PLPP3: variants seen among roughly 807,000 people sequenced by gnomAD.
PLPP3 encodes the protein PAP2 beta.
PLPP3 carries 6 observed loss-of-function variants against 29.6 expected under a neutral mutation model. The observed-to-expected ratio is 0.20, with a 90% CI of 0.11 to 0.40. The LOEUF is 0.40. Ranked by LOEUF, PLPP3 falls within the 10% of genes least tolerant of loss-of-function variation. The probability of loss-of-function intolerance (pLI) is 1.00; values close to 1 mark genes in which losing one functional copy is unlikely to be tolerated. For missense variants in PLPP3, 308 were observed against 407.7 expected (o/e 0.76, Z 2.11); for synonymous variants, 152 against 159.7 (o/e 0.95, Z 0.36).
intron 5 of PLPP3, among the ~76,000 whole-genome samples, chr1:56,510,462 A>G (rs987414531): frequency 4.6e-5 from 7 of 152,230 alleles, no homozygotes; most frequent in Admixed American, 3.9e-4. Context: ...CAGTTCACAC[A>G]CTGCTTTCTT....
intron 1 of PLPP3, among the ~76,000 whole-genome samples, chr1:56,562,710 C>A (rs1646138851): frequency 6.6e-6 from 1 of 152,192 alleles, no homozygotes; most frequent in African/African-American, 2.4e-5. Flanking sequence ...AGACTGGAGG[C>A]AAGAACAGCA....
In PLPP3 at chr1:56,495,804, C is replaced by T. The variant is rs1428785946; in HGVS notation, c.*747G>A. The T allele has an allele frequency of 6.6e-6, 1 of 152,666 alleles. No individual in the cohort carries two copies. The highest frequency in any genetic ancestry group is 2.4e-5 in the African/African-American group (1 of 41,464). The allele number at this position is 152,666 out of a possible 1,614,324, so 9.5% of individuals were successfully genotyped here. On this transcript the variant is annotated 3_prime_UTR_variant, in exon 6 of 6. Coordinates refer to ENST00000371250, the MANE Select transcript of PLPP3 (RefSeq NM_003713.5). ...CGGTGATTGACGTGCACAACATCAGCATCCTGCAATTGACATTTCAACATC... is the reference window on the plus strand; with the variant it reads ...CGGTGATTGACGTGCACAACATCAGTATCCTGCAATTGACATTTCAACATC...
intron 5 of PLPP3, among the ~76,000 whole-genome samples, chr1:56,500,934 G>A (rs1199132907): frequency 6.6e-6 from 1 of 150,542 alleles, no homozygotes. Flanking sequence ...GACCTGGGAG[G>A]CGGAGGTTTC....
At chr1:56,565,038 A>G (rs1445610019) in intron 1 of PLPP3, among the ~76,000 whole-genome samples, 1 of 152,246 alleles carries the variant, frequency 6.6e-6, no homozygotes, top group Non-Finnish European at 1.5e-5. Context: ...AAATGTAACA[A>G]TGAGAAATAA....
chr1:56,551,943 C>T (rs1646042206), intron 1 of PLPP3, among the ~76,000 whole-genome samples: 1 of 152,192 alleles, frequency 6.6e-6, no homozygotes, highest in Non-Finnish European at 1.5e-5. Context: ...TAGCAGAAGG[C>T]TTAGAGCTGC....
intron 2 of PLPP3, among the ~76,000 whole-genome samples, chr1:56,536,069 A>G (rs1008154726): frequency 6.6e-6 from 1 of 152,170 alleles, no homozygotes; most frequent in Non-Finnish European, 1.5e-5. Context: ...ACAGAGAGTG[A>G]CGAGCATGTG....
At chr1:56,523,979 G>A in intron 3 of PLPP3, 99 bp from the exon 4 acceptor site, 1 of 1,369,536 alleles carries the variant, frequency 7.3e-7, no homozygotes, top group Non-Finnish European at 1.0e-6. Context: ...CTTGAGAGCA[G>A]GCACTAGGCC....
chr1:56,506,480 A>AC (rs1203096205), intron 5 of PLPP3, among the ~76,000 whole-genome samples: 2 of 151,916 alleles, frequency 1.3e-5, no homozygotes, highest in Non-Finnish European at 2.9e-5. Context: ...GCGGAGCCAC[A>AC]CCCCCGGGAA....
intron 1 of PLPP3, among the ~76,000 whole-genome samples, chr1:56,552,425 A>T (rs1282614307): frequency 1.3e-5 from 2 of 152,160 alleles, no homozygotes; most frequent in Non-Finnish European, 2.9e-5. Flanking sequence ...AAAAGGGCTT[A>T]AAAAAATTGA....
At chr1:56,569,471 C>T (rs550473489) in intron 1 of PLPP3, among the ~76,000 whole-genome samples, 1 of 152,106 alleles carries the variant, frequency 6.6e-6, no homozygotes, top group Non-Finnish European at 1.5e-5. Flanking sequence ...TGCACCCAGC[C>T]GCCTTTAGAT....
intron 1 of PLPP3, among the ~76,000 whole-genome samples, chr1:56,558,240 G>T (rs1182167283): frequency 6.6e-6 from 1 of 152,218 alleles, no homozygotes; most frequent in Non-Finnish European, 1.5e-5. Flanking sequence ...TAATCAACTT[G>T]AAATGATATT....
At chr1:56,523,243 C>A (rs944297034) in intron 4 of PLPP3, among the ~76,000 whole-genome samples, 1 of 152,070 alleles carries the variant, frequency 6.6e-6, no homozygotes, top group Non-Finnish European at 1.5e-5. Context: ...TCCTTAAAGC[C>A]CTTCCATCCG....
rs759898320 is a variant in PLPP3, at chr1:56,511,976, T to C, written c.810A>G (p.Ile270Met). Reference protein sequence around the residue: ...FAQGALVACCIVFFVSDLFKT... With the variant: ...FAQGALVACCMVFFVSDLFKT... ...ATATTGAGGACAAGATGCTACTTAC[T>C]ATGCAGCAGGCCACCAGGGCTCCTT... The change falls in exon 5 of 6, where the codon ATA becomes ATG. Residue 270 changes from isoleucine (I) to methionine (M), a missense_variant and splice_region_variant. Ile to Met is a conservative substitution (Grantham distance 10, BLOSUM62 1). This residue lies in a region of PLPP3 where 232 missense variants were observed against 317.2 expected (regional missense o/e 0.73). Transcript: ENST00000371250. 5.0e-6 allele frequency: 8 copies of C among 1,613,482 alleles called. No homozygotes were observed. Among genetic ancestry groups the C allele is most frequent in the Middle Eastern group, 3.3e-4 (2 of 6,060 alleles).
intron 1 of PLPP3, among the ~76,000 whole-genome samples, chr1:56,554,059 C>A (rs547664028): frequency 6.8e-6 from 1 of 146,996 alleles, no homozygotes; most frequent in East Asian, 2.6e-4. Context: ...GCTTTTCCCC[C>A]CCACTTTGGC....
intron 5 of PLPP3, among the ~76,000 whole-genome samples, chr1:56,499,476 C>T (rs1645652037): frequency 6.6e-6 from 1 of 152,132 alleles, no homozygotes; most frequent in Non-Finnish European, 1.5e-5. Context: ...ACAATAAGGG[C>T]TTAATAAATG....
At chr1:56,553,689 C>T (rs1646055306) in intron 1 of PLPP3, among the ~76,000 whole-genome samples, 1 of 152,114 alleles carries the variant, frequency 6.6e-6, no homozygotes, top group Non-Finnish European at 1.5e-5. Context: ...AGACTAAATT[C>T]GAACTAAATA....
rs953550534 is a variant in PLPP3, at chr1:56,494,774, G to A, written c.*1777C>T. On this transcript the variant is annotated 3_prime_UTR_variant, in exon 6 of 6. Coordinates refer to ENST00000371250, the MANE Select transcript of PLPP3 (RefSeq NM_003713.5). ...GCAAGTCCTTAATTAGTTGTGTTAC[G>A]AGCTTTTATTTAAAAAGCACATTTA... is the stretch of plus-strand genomic sequence containing the variant. 6.6e-6 allele frequency: 1 copy of A among 152,544 alleles called. No individual in the cohort carries two copies. Among genetic ancestry groups the A allele is most frequent in the Non-Finnish European group, 1.5e-5 (1 of 68,034 alleles). The allele number at this position is 152,544 out of a possible 1,614,324, so 9.4% of individuals were successfully genotyped here. A position where few individuals can be genotyped will look rare whatever the true frequency, so the allele number is the denominator to read the frequency against.
intron 2 of PLPP3, among the ~76,000 whole-genome samples, chr1:56,535,678 G>C (rs565022954): frequency 4.7e-4 from 71 of 152,218 alleles, no homozygotes; most frequent in Middle Eastern, 3.2e-3. Flanking sequence ...CAAGCGAAGA[G>C]CTGCTGATCT....
Position 56,517,267 on chromosome 1 carries a change from G to T in PLPP3, c.634-5115C>A, listed in dbSNP as rs536946709. On this transcript the variant is annotated intron_variant, in intron 4 of 5. Transcript: ENST00000371250. ...TCTCCCTTCTCTAATTTCCTCTATG[G>T]CTTTCACTGGGCTCTGGTTCATGTG... 2.0e-5 allele frequency among the ~76,000 whole-genome samples: 3 copies of T among 152,302 alleles called. No homozygotes were observed. In the South Asian group the frequency reaches 6.2e-4, roughly 32 times the overall value.
Sources: allele counts gnomAD v4.1 joint callset (sites outside exome capture counted in the v4.1 genomes callset), GRCh38; gene constraint gnomAD v4.1.1; regional missense constraint gnomAD v4.1.1; transcripts MANE v1.5; gene names NCBI Gene and HGNC (gene_info 2026-07-23, HGNC 2026-07-21).